The following GRM8 variants were observed in gnomAD, a reference collection of about 807,000 sequenced individuals.
GRM8 encodes the protein metabotropic glutamate receptor 8.
Under a neutral mutation model 87.2 loss-of-function variants are expected in GRM8, and 47 were observed. The ratio of observed to expected loss-of-function variants is 0.54; its 90% confidence interval spans 0.43 to 0.69. The LOEUF is 0.69. Ranked by LOEUF, GRM8 falls within the 30% of genes least tolerant of loss-of-function variation. The pLI is 0.00. For missense variants in GRM8, 1,019 were observed against 1,139.2 expected (o/e 0.89, Z 1.52); for synonymous variants, 396 against 404.5 (o/e 0.98, Z 0.25).
At chr7:127,143,528 T>G (rs1430986726) in intron 2 of GRM8, among the ~76,000 whole-genome samples, 1 of 152,184 alleles carries the variant, frequency 6.6e-6, no homozygotes, top group African/African-American at 2.4e-5. Flanking sequence ...GGCTATGTGC[T>G]TTACCTTTAA....
Position 126,526,982 on chromosome 7 carries a change from C to T in GRM8, c.2430+5970G>A, listed in dbSNP as rs920646421. On this transcript the variant is annotated intron_variant, in intron 9 of 10. Transcript: ENST00000339582. ...TTGATCTTGTCCACAAAAAATCGAC[C>T]GTAATACATTAAATAGTTCTGTAAT... Among the ~76,000 whole-genome samples, 5 of 152,106 alleles carry T rather than the reference C, an allele frequency of 3.3e-5. No individual in the cohort carries two copies. The East Asian group carries it at 5.8e-4, about 18-fold the overall frequency.
chr7:126,611,528 A>ACGTATGTTG, intron 7 of GRM8, among the ~76,000 whole-genome samples: 1 of 152,252 alleles, frequency 6.6e-6, no homozygotes, highest in East Asian at 1.9e-4. Context: ...CTGGAAAAAC[A>ACGTATGTTG]CGTATGTTGA....
chr7:126,582,189 C>T (rs938236424), intron 8 of GRM8, among the ~76,000 whole-genome samples: 2 of 134,602 alleles, frequency 1.5e-5, no homozygotes, highest in Non-Finnish European at 1.7e-5. Flanking sequence ...AAAAGTTCTA[C>T]TCCAGGGAAC....
chr7:127,232,919 C>T (rs1242979623), intron 2 of GRM8, among the ~76,000 whole-genome samples: 1 of 152,066 alleles, frequency 6.6e-6, no homozygotes, highest in African/African-American at 2.4e-5. Context: ...CTCACTGCAA[C>T]CTCTGTCTCC....
At chr7:126,873,860 T>C (rs2130922414) in intron 6 of GRM8, among the ~76,000 whole-genome samples, 1 of 152,264 alleles carries the variant, frequency 6.6e-6, no homozygotes, top group East Asian at 1.9e-4. Context: ...AAAAGTCTGC[T>C]AATTATGACA....
intron 7 of GRM8, among the ~76,000 whole-genome samples, chr7:126,673,288 G>A (rs1806585961): frequency 6.6e-6 from 1 of 152,144 alleles, no homozygotes; most frequent in Non-Finnish European, 1.5e-5. Context: ...ATGGCTTTGG[G>A]ACAGACAAGG....
intron 7 of GRM8, among the ~76,000 whole-genome samples, chr7:126,703,377 G>T (rs984634584): frequency 6.6e-6 from 1 of 152,114 alleles, no homozygotes; most frequent in African/African-American, 2.4e-5. Flanking sequence ...GGTATCTTTG[G>T]TTGCACAAGT....
intron 3 of GRM8, among the ~76,000 whole-genome samples, chr7:126,935,979 C>G (rs1373209784): frequency 2.0e-5 from 3 of 152,152 alleles, no homozygotes; most frequent in Non-Finnish European, 2.9e-5. Flanking sequence ...CTTCATTCAC[C>G]AGCGTAAGTG....
chr7:126,815,300 C>T (rs915108535), intron 6 of GRM8, among the ~76,000 whole-genome samples: 1 of 152,060 alleles, frequency 6.6e-6, no homozygotes, highest in Non-Finnish European at 1.5e-5. Flanking sequence ...ATACAAGTTC[C>T]AAAATGAGGC....
intron 7 of GRM8, among the ~76,000 whole-genome samples, chr7:126,698,522 C>T (rs1216786923): frequency 1.3e-5 from 2 of 152,138 alleles, no homozygotes; most frequent in African/African-American, 4.8e-5. Context: ...TGTCTTTCTA[C>T]CACAGAGATT....
At chr7:126,610,587 T>G (rs1303249744) in intron 7 of GRM8, among the ~76,000 whole-genome samples, 2 of 152,202 alleles carry the variant, frequency 1.3e-5, no homozygotes, top group Non-Finnish European at 2.9e-5. Flanking sequence ...ACTGTACATA[T>G]TCCCATCTTA....
intron 7 of GRM8, among the ~76,000 whole-genome samples, chr7:126,744,552 A>G (rs776594852): frequency 3.3e-5 from 5 of 152,070 alleles, no homozygotes; most frequent in Non-Finnish European, 7.4e-5. Flanking sequence ...CAGTGAACCA[A>G]TATTTTGCAA....
At chr7:126,581,937 T>C (rs1256584056) in intron 8 of GRM8, among the ~76,000 whole-genome samples, 5 of 152,126 alleles carry the variant, frequency 3.3e-5, no homozygotes, top group African/African-American at 1.2e-4. Context: ...CCCATCTCTA[T>C]ACCTCTCTTT....
chr7:126,878,299 A>G (rs1799707386), intron 6 of GRM8, among the ~76,000 whole-genome samples: 1 of 152,218 alleles, frequency 6.6e-6, no homozygotes, highest in East Asian at 1.9e-4. Context: ...AGGCAGCTCC[A>G]TAGGAAATGT....
intron 3 of GRM8, among the ~76,000 whole-genome samples, chr7:126,911,594 C>T (rs1326837478): frequency 6.6e-6 from 1 of 152,130 alleles, no homozygotes; most frequent in East Asian, 1.9e-4. Flanking sequence ...GTTGGACTCT[C>T]CTAGAAGCAA....
intron 7 of GRM8, among the ~76,000 whole-genome samples, chr7:126,636,141 A>C (rs1184474718): frequency 6.6e-6 from 1 of 152,140 alleles, no homozygotes; most frequent in Non-Finnish European, 1.5e-5. Context: ...TCTGATTTAA[A>C]TGCCTTTTGG....
intron 2 of GRM8, among the ~76,000 whole-genome samples, chr7:127,187,776 A>G (rs1289130203): frequency 6.6e-6 from 1 of 152,142 alleles, no homozygotes; most frequent in Non-Finnish European, 1.5e-5. Context: ...TTTCCACCCA[A>G]GAATAATTTT....
chr7:126,878,285 T>C (rs1799706222), intron 6 of GRM8, among the ~76,000 whole-genome samples: 1 of 152,184 alleles, frequency 6.6e-6, no homozygotes, highest in African/African-American at 2.4e-5. Context: ...CCCCAACATC[T>C]CTGAGGCAGC....
At chr7:126,801,657 T>C (rs542937362) in intron 6 of GRM8, among the ~76,000 whole-genome samples, 1 of 150,988 alleles carries the variant, frequency 6.6e-6, no homozygotes, top group Non-Finnish European at 1.5e-5. Flanking sequence ...TGGTTAAAAA[T>C]AAAAATATGT....
Sources: gnomAD v4.1 joint callset for allele counts (sites outside exome capture counted in the v4.1 genomes callset) on GRCh38, gnomAD v4.1.1 for gene constraint, MANE v1.5 for transcripts, NCBI Gene and HGNC (gene_info 2026-07-23, HGNC 2026-07-21) for gene names.